The following NSMAF variants were observed in gnomAD, a reference collection of about 807,000 sequenced individuals.
The protein encoded by NSMAF is neutral sphingomyelinase activation associated factor, also known as protein FAN.
NSMAF carries 90 observed loss-of-function variants against 134.9 expected under a neutral mutation model. The observed-to-expected ratio is 0.67, with a 90% CI of 0.56 to 0.79. The LOEUF is 0.79. Ranked by LOEUF, NSMAF falls within the 30% of genes least tolerant of loss-of-function variation. The pLI is 0.00. For missense variants in NSMAF, 1,010 were observed against 1,119.0 expected (o/e 0.90, Z 1.39); for synonymous variants, 358 against 389.6 (o/e 0.92, Z 0.96).
In NSMAF at chr8:58,597,345, G is replaced by C. The variant is rs559306956; in HGVS notation, c.1792+42C>G. On this transcript the variant is annotated intron_variant, in intron 21 of 30. Coordinates refer to ENST00000038176, the MANE Select transcript of NSMAF (RefSeq NM_003580.4). Reference sequence around the variant, plus strand: ...TCAGAAACATTTTCATCACAGAAGAGAAACAAAAGGTGCTCACGTTTATTC... The same window carrying C: ...TCAGAAACATTTTCATCACAGAAGACAAACAAAAGGTGCTCACGTTTATTC... 89 of 1,555,588 alleles carry C rather than the reference G, an allele frequency of 5.7e-5. No homozygotes were observed. In the South Asian group the frequency reaches 9.5e-4, roughly 17 times the overall value.
At chr8:58,619,976 A>G (rs530839210) in intron 9 of NSMAF, among the ~76,000 whole-genome samples, 5 of 152,348 alleles carry the variant, frequency 3.3e-5, no homozygotes, top group Admixed American at 6.5e-5. Flanking sequence ...CCATAAAGGT[A>G]TAATAATTAG....
At chr8:58,613,210 CAT>C (rs1806569991) in intron 9 of NSMAF, among the ~76,000 whole-genome samples, 1 of 151,998 alleles carries the variant, frequency 6.6e-6, no homozygotes, top group Non-Finnish European at 1.5e-5. Flanking sequence ...TATGCAAACA[CAT>C]ATATGTATCT....
At chr8:58,659,048 C>A in intron 1 of NSMAF, 1 of 669,620 alleles carries the variant, frequency 1.5e-6, no homozygotes, top group Non-Finnish European at 2.3e-6. Flanking sequence ...AAGGAGTCGG[C>A]AGGAAAAAGG....
At chr8:58,600,905 G>T (rs1806264192) in intron 16 of NSMAF, among the ~76,000 whole-genome samples, 1 of 151,894 alleles carries the variant, frequency 6.6e-6, no homozygotes, top group African/African-American at 2.4e-5. Context: ...AAATTATCAA[G>T]AATAATAAAG....
chr8:58,597,247 CAGG>C, intron 21 of NSMAF, 137 bp downstream of exon 21: 2 of 750,346 alleles, frequency 2.7e-6, no homozygotes, highest in South Asian at 3.6e-5. Context: ...TATCTGTTTT[CAGG>C]AGAACTGCAA....
chr8:58,623,662 G>T (rs1348215898), intron 7 of NSMAF, 47 bp downstream of exon 7: 1 of 1,511,498 alleles, frequency 6.6e-7, no homozygotes, highest in Non-Finnish European at 9.2e-7. Context: ...TATAAAAACA[G>T]TTTTTGCCTC....
At position 58,651,945 on chromosome 8, in the gene NSMAF, C is replaced by T. The variant is rs908046513; in HGVS notation, c.59+7628G>A. ...GATTCTGATATCTACATAAAACAGG[C>T]TTCATTCATTCCTGAATCAGTCTAA... On this transcript the variant is annotated intron_variant, in intron 1 of 30. Coordinates refer to ENST00000038176, the MANE Select transcript of NSMAF (RefSeq NM_003580.4). Among the ~76,000 whole-genome samples, 6 of 152,176 alleles carry T rather than the reference C, an allele frequency of 3.9e-5. No homozygotes were observed. The East Asian group carries it at 9.6e-4, about 24-fold the overall frequency.
chr8:58,610,169 G>A (rs1262461909), intron 9 of NSMAF, among the ~76,000 whole-genome samples: 5 of 151,938 alleles, frequency 3.3e-5, no homozygotes, highest in African/African-American at 1.2e-4. Context: ...ATAATTACTT[G>A]AATTATAATA....
At chr8:58,586,090 A>G (rs1254762929) in intron 28 of NSMAF, 90 bp from the exon 29 acceptor site, 4 of 981,296 alleles carry the variant, frequency 4.1e-6, no homozygotes, top group Non-Finnish European at 6.5e-6. Context: ...CCAGTGGCCT[A>G]ATCTCCACAT....
Position 58,623,229 on chromosome 8 carries a change from T to G in NSMAF, c.548A>C (p.Asp183Ala), listed in dbSNP as rs763273132. ...LQSRLARTSFDKNRFQNISEK... is the reference protein window; with the variant it reads ...LQSRLARTSFAKNRFQNISEK... ...ATCATTAGAAACTTACCTGTTTTTG[T>G]CAAATGATGTTCTAGCTAAACGAGA... Residue 183 changes from aspartate to alanine, a missense_variant, in exon 9 of 31, where the codon GAC becomes GCC. Coordinates refer to ENST00000038176, the MANE Select transcript of NSMAF (RefSeq NM_003580.4). 3.1e-6 allele frequency: 5 copies of G among 1,608,306 alleles called. No individual in the cohort carries two copies. The highest frequency in any genetic ancestry group is 4.3e-6 in the Non-Finnish European group (5 of 1,176,420).
chr8:58,603,375 C>T lies in NSMAF; in HGVS notation c.880G>A (p.Ala294Thr). 3 of 1,613,700 alleles carry T rather than the reference C, an allele frequency of 1.9e-6. No individual in the cohort carries two copies. Among genetic ancestry groups the T allele is most frequent in the Non-Finnish European group, 2.5e-6 (3 of 1,179,988 alleles). ...ATGTAGCTCTCAGCAGTGTGCTCCGCCACATGGTGCTCTGGGGGAAGAGGA... is the reference window on the plus strand; with the variant it reads ...ATGTAGCTCTCAGCAGTGTGCTCCGTCACATGGTGCTCTGGGGGAAGAGGA... ...YIATYLEHHV[A>T]EHTAESYMLQ... The change falls in exon 13 of 31, where the codon GCG (alanine) becomes ACG (threonine). Residue 294 changes from alanine to threonine, a missense_variant. Transcript: ENST00000038176.
At chr8:58,642,947 G>C (rs770221673) in intron 2 of NSMAF, 37 bp downstream of exon 2, 1 of 1,430,136 alleles carries the variant, frequency 7.0e-7, no homozygotes, top group Non-Finnish European at 9.9e-7. Context: ...ATATCAGAAA[G>C]GTTTGTTTGT....
chr8:58,659,506 G>C (rs756126827), intron 1 of NSMAF, 67 bp downstream of exon 1: 1 of 1,507,378 alleles, frequency 6.6e-7, no homozygotes, highest in Non-Finnish European at 8.9e-7. Flanking sequence ...TCAGATCTCC[G>C]GCCGGCGTCC....
At chr8:58,628,406 A>G (rs1806984801) in intron 6 of NSMAF, among the ~76,000 whole-genome samples, 1 of 152,176 alleles carries the variant, frequency 6.6e-6, no homozygotes, top group African/African-American at 2.4e-5. Flanking sequence ...TCTGTTAACA[A>G]CTTAACTTCA....
chr8:58,659,799 G>C lies in NSMAF; in HGVS notation c.-168C>G, dbSNP rs1207583755. 5.7e-6 allele frequency: 2 copies of C among 352,584 alleles called. No individual in the cohort carries two copies. The highest frequency in any genetic ancestry group is 9.5e-6 in the Non-Finnish European group (2 of 209,920). 21.8% of individuals were successfully genotyped at this position (352,584 alleles called of 1,614,324 possible). A position where few individuals can be genotyped will look rare whatever the true frequency, so the allele number is the denominator to read the frequency against. ...GCTGGGCGGCCGAGAGCCCGACGCG[G>C]CGTCCCGGCCGCGCTCACCGCAGCA... is the stretch of plus-strand genomic sequence containing the variant. On this transcript the variant is annotated 5_prime_UTR_variant, in exon 1 of 31. Coordinates refer to ENST00000038176, the MANE Select transcript of NSMAF (RefSeq NM_003580.4).
chr8:58,658,643 G>A (rs1315567110), intron 1 of NSMAF, among the ~76,000 whole-genome samples: 2 of 152,200 alleles, frequency 1.3e-5, no homozygotes, highest in Non-Finnish European at 2.9e-5. Context: ...AATCAAAACA[G>A]TGTGTCTGTA....
At chr8:58,603,626 G>A (rs1473116666) in intron 12 of NSMAF, among the ~76,000 whole-genome samples, 1 of 152,098 alleles carries the variant, frequency 6.6e-6, no homozygotes, top group Non-Finnish European at 1.5e-5. Context: ...TCCACAATAT[G>A]ACATAACCTA....
chr8:58,621,492 T>C (rs767510977), intron 9 of NSMAF, among the ~76,000 whole-genome samples: 1 of 152,196 alleles, frequency 6.6e-6, no homozygotes, highest in Non-Finnish European at 1.5e-5. Context: ...GACTGCTGGG[T>C]CAAATGGTAG....
rs764860617 is a variant in NSMAF, at chr8:58,659,613, T to G, written c.19A>C (p.Lys7Gln). MAFIRK[K>Q]QQEQQLQLYS... Reference sequence around the variant, plus strand: ...AGCTGCAGCTGCTGCTCCTGCTGCTTCTTCCGGATAAACGCCATGGAGGGT... The same window carrying G: ...AGCTGCAGCTGCTGCTCCTGCTGCTGCTTCCGGATAAACGCCATGGAGGGT... The change falls in exon 1 of 31, where the codon AAG (lysine) becomes CAG (glutamine). Residue 7 changes from lysine (K) to glutamine (Q), a missense_variant. By Grantham distance (53) the Lys-to-Gln change is moderately conservative. Transcript: ENST00000038176. 31 of 1,488,818 alleles carry G rather than the reference T, an allele frequency of 2.1e-5. No individual in the cohort carries two copies. Among genetic ancestry groups the G allele is most frequent in the South Asian group, 6.6e-5 (5 of 75,440 alleles). 92.2% of individuals were successfully genotyped at this position (1,488,818 alleles called of 1,614,324 possible).
Sources: allele counts gnomAD v4.1 joint callset (sites outside exome capture counted in the v4.1 genomes callset), GRCh38; gene constraint gnomAD v4.1.1; transcripts MANE v1.5; gene names NCBI Gene and HGNC (gene_info 2026-07-23, HGNC 2026-07-21).